ATG9B: variants seen among roughly 807,000 people sequenced by gnomAD.
ATG9B encodes the protein autophagy related 9B.
ATG9B carries 92 observed loss-of-function variants against 92.9 expected under a neutral mutation model. That is an observed-to-expected ratio of 0.99 (90% CI 0.84 to 1.18). The LOEUF (loss-of-function observed/expected upper bound fraction) is 1.18, where lower values mean the gene tolerates loss of function less well. Ranked by LOEUF, ATG9B falls within the 50% of genes most tolerant of loss-of-function variation. ATG9B has a pLI of 0.00. For missense variants in ATG9B, 1,344 were observed against 1,235.0 expected, an observed-to-expected ratio of 1.09 and a Z score of -1.32; for synonymous variants, 599 against 551.4, an observed-to-expected ratio of 1.09 and a Z score of -1.21.
Position 151,018,819 on chromosome 7 carries a change from A to C in ATG9B, c.1519T>G (p.Tyr507Asp). 1.5e-6 allele frequency: 2 copies of C among 1,290,414 alleles called. No individual in the cohort carries two copies. The highest frequency in any genetic ancestry group is 2.0e-6 in the Non-Finnish European group (2 of 1,021,990). The allele number at this position is 1,290,414 out of a possible 1,614,324, so 79.9% of individuals were successfully genotyped here. A position where few individuals can be genotyped will look rare whatever the true frequency, so the allele number is the denominator to read the frequency against. ...CGCAGGAAGGCGGCGGCGGGGCGGT[A>C]GGCGCGGGCCAGGCGCGCGCGCAGC... Reference protein sequence around the residue: ...HELRARLARAYRPAAAFLRTA... With the variant: ...HELRARLARADRPAAAFLRTA... Residue 507 changes from tyrosine (Y) to aspartate (D), a missense_variant, in exon 6 of 14, where the codon TAC becomes GAC. Transcript: ENST00000639579. The surrounding 1 kb of genome is among the most constrained non-coding windows in gnomAD (Gnocchi z 4.7).
chr7:151,020,687 A>G (rs1795714500), intron 5 of ATG9B, among the ~76,000 whole-genome samples: 1 of 152,236 alleles, frequency 6.6e-6, no homozygotes, highest in Non-Finnish European at 1.5e-5. Flanking sequence ...GTGGACAGTG[A>G]CAGGCCAATG....
intron 8 of ATG9B, 117 bp downstream of exon 8, chr7:151,017,754 C>T: frequency 7.9e-7 from 1 of 1,273,834 alleles, no homozygotes; most frequent in Non-Finnish European, 1.1e-6. Context: ...GGGAAGTGAC[C>T]CGCTCAACGG....
Position 151,024,093 on chromosome 7 carries a change from A to C in ATG9B, c.331T>G (p.Ser111Ala), listed in dbSNP as rs200552097. 1,018 of 1,605,746 alleles carry C rather than the reference A, an allele frequency of 6.3e-4. 2 individuals carry two copies. Among genetic ancestry groups the C allele is most frequent in the Non-Finnish European group, 7.8e-4 (918 of 1,176,448 alleles). Residue 111 changes from serine to alanine, a missense_variant, in exon 1 of 14, where the codon TCT becomes GCT. Transcript: ENST00000639579. ...AQPAMTPASA[S>A]PSWGSHSTPP... ...GTGGAGTGGGATCCCCAGGAGGGAG[A>C]TGCAGAGGCAGGTGTCATTGCAGGT...
At chr7:151,013,437 G>C, downstream of ATG9B, 6 of 1,547,012 alleles carry the variant, frequency 3.9e-6, no homozygotes, top group Non-Finnish European at 5.2e-6. Context: ...GGGAGGACTC[G>C]CGCTCTCCAG....
In ATG9B at chr7:151,019,161, T is replaced by C. The variant is rs775368933; in HGVS notation, c.1177A>G (p.Ser393Gly). ...LPWGGSAAFLSRGLALNVDLL... is the reference protein window; with the variant it reads ...LPWGGSAAFLGRGLALNVDLL... ...TCGACATTGAGCGCCAGGCCGCGGC[T>C]GAGGAAAGCCGCACTGCCTCCCCAG... The change falls in exon 6 of 14, where the codon AGC becomes GGC. Residue 393 changes from serine to glycine, a missense_variant. Ser to Gly is a moderately conservative substitution (Grantham distance 56). Coordinates refer to ENST00000639579, the MANE Select transcript of ATG9B (RefSeq NM_001317056.2). 3.4e-5 allele frequency: 53 copies of C among 1,536,240 alleles called. No homozygotes were observed. The highest frequency in any genetic ancestry group is 4.1e-5 in the Non-Finnish European group (47 of 1,146,622).
rs760574558 is a variant in ATG9B at position 151,023,210 on chromosome 7, C to G, written c.660-4G>C. On this transcript the variant is annotated splice_polypyrimidine_tract_variant and splice_region_variant and intron_variant, in intron 3 of 13. Coordinates refer to ENST00000639579, the MANE Select transcript of ATG9B (RefSeq NM_001317056.2). ...GGTGACAATGAAAATAAATTGTCTG[C>G]CGGGAGGAAGGGGGGGTGCCGGGAT... is the stretch of plus-strand genomic sequence containing the variant. 2 of 1,614,108 alleles carry G rather than the reference C, an allele frequency of 1.2e-6. No homozygotes were observed. Among genetic ancestry groups the G allele is most frequent in the Non-Finnish European group, 8.5e-7 (1 of 1,180,016 alleles).
In ATG9B at chr7:151,021,305, G is replaced by A. The variant is rs1239014049; in HGVS notation, c.846C>T (p.Val282=). The change falls in exon 5 of 14, where the codon GTC becomes GTT. Residue 282 remains valine (V), a synonymous_variant. Coordinates refer to ENST00000639579, the MANE Select transcript of ATG9B (RefSeq NM_001317056.2). ...AGCCGGCAGCCAGGACCAGGAGGAG[G>A]ACCAGCAGCGGGCTGGAGCGGATCC... is the stretch of plus-strand genomic sequence containing the variant. ...AERIRSSPLL[V]LLLVLAAGFW... 6.2e-7 allele frequency: 1 copy of A among 1,612,452 alleles called. No individual in the cohort carries two copies.
chr7:151,013,878 T>A, downstream of ATG9B: 1 of 1,603,030 alleles, frequency 6.2e-7, no homozygotes, highest in Non-Finnish European at 8.5e-7. Flanking sequence ...GAGGGCGACA[T>A]GGAGCTGGAC....
At chr7:151,022,444 A>T (rs531622775) in intron 4 of ATG9B, among the ~76,000 whole-genome samples, 45 of 151,534 alleles carry the variant, frequency 3.0e-4, no homozygotes, top group African/African-American at 1.1e-3. Context: ...CCTAATTTTA[A>T]TTTTTTATAA....
At position 151,016,254 on chromosome 7, in the gene ATG9B, G is replaced by C; in HGVS notation, c.2521-19C>G. ...GGTGAAGCTGCATGGAAAGGAGGAG[G>C]AATGAGGGCTGCACCCCAAGGAGGG... On this transcript the variant is annotated intron_variant, in intron 11 of 13. Coordinates refer to ENST00000639579, the MANE Select transcript of ATG9B (RefSeq NM_001317056.2). 6.7e-7 allele frequency: 1 copy of C among 1,485,224 alleles called. No individual in the cohort carries two copies. The allele number at this position is 1,485,224 out of a possible 1,614,324, so 92.0% of individuals were successfully genotyped here. A position where few individuals can be genotyped will look rare whatever the true frequency, so the allele number is the denominator to read the frequency against.
At position 151,024,136 on chromosome 7, in the gene ATG9B, G is replaced by T; in HGVS notation, c.288C>A (p.Thr96=). 6.3e-7 allele frequency: 1 copy of T among 1,588,702 alleles called. No homozygotes were observed. The highest frequency in any genetic ancestry group is 2.2e-5 in the East Asian group (1 of 44,692). The change falls in exon 1 of 14, where the codon ACC becomes ACA. Residue 96 remains threonine, a synonymous_variant. Transcript: ENST00000639579. ...TTGCAGGTTGAGCCTGTGTTGGGGG[G>T]GTGGCTGGGATAGGGAGAGCACTGT... The part of the protein sequence containing the change: ...SCHSALPIPA[T]PPTQAQPAMT...
chr7:151,016,581 CAG>C lies in ATG9B; in HGVS notation c.2424-56_2424-55del, dbSNP rs1795497075. ...GTCATGCCCTCCTCCCGCCACACCCCAGAGGACTCCCCTTCTGAATCCCCCCT... is the reference window on the plus strand; with the variant it reads ...GTCATGCCCTCCTCCCGCCACACCCCAGGACTCCCCTTCTGAATCCCCCCT... On this transcript the variant is annotated intron_variant, in intron 10 of 13. Coordinates refer to ENST00000639579, the MANE Select transcript of ATG9B (RefSeq NM_001317056.2). 81 of 1,545,366 alleles carry C rather than the reference CAG, an allele frequency of 5.2e-5. 1 individual carries two copies. The South Asian group carries it at 9.3e-4, about 18-fold the overall frequency.
At chr7:151,020,854 C>T (rs1306259882) in intron 5 of ATG9B, 6 of 243,598 alleles carry the variant, frequency 2.5e-5, no homozygotes, top group South Asian at 1.0e-4. Flanking sequence ...CCTGCCCTTC[C>T]GAAGCCCAAC....
rs564902557 is a variant in ATG9B at position 151,021,353 on chromosome 7, G to T, written c.822-24C>A. ...TCCTGTATGGGGTTGGGCGGGCAGTGGGGGAGAAAGGTGGGCGCCTGAGAA... is the reference window on the plus strand; with the variant it reads ...TCCTGTATGGGGTTGGGCGGGCAGTTGGGGAGAAAGGTGGGCGCCTGAGAA... On this transcript the variant is annotated intron_variant, in intron 4 of 13. Transcript: ENST00000639579. 103 of 1,556,170 alleles carry T rather than the reference G, an allele frequency of 6.6e-5. No individual in the cohort carries two copies. In the South Asian group the frequency reaches 1.2e-3, roughly 18 times the overall value.
chr7:151,022,903 G>T, intron 4 of ATG9B, 142 bp downstream of exon 4: 1 of 988,030 alleles, frequency 1.0e-6, no homozygotes, highest in Non-Finnish European at 1.5e-6. Flanking sequence ...ACAACTTAAA[G>T]TATATTAAGT....
Position 151,017,147 on chromosome 7 carries a change from CTT to C in ATG9B, c.2176_2177del (p.Lys726ValfsTer39), listed in dbSNP as rs1795532007. 1.2e-6 allele frequency: 2 copies of C among 1,613,160 alleles called. No individual in the cohort carries two copies. The highest frequency in any genetic ancestry group is 1.7e-6 in the Non-Finnish European group (2 of 1,179,860). Reference sequence around the variant, plus strand: ...CTCGGCCCCAGAGGTGCCCAAGAAACTTAGAGCTGTGCCCTGGGGGGCGCCAG... The same window carrying C: ...CTCGGCCCCAGAGGTGCCCAAGAAACAGAGCTGTGCCCTGGGGGGCGCCAG... ...PLWRPPGHSS[K>X]FLGHLWGRVQ... is the part of the protein sequence containing the mutation. On this transcript the variant is annotated frameshift_variant, in exon 9 of 14. Transcript: ENST00000639579. LOFTEE classifies it high-confidence loss of function.
In ATG9B at chr7:151,018,364, G is replaced by A. The variant is rs766172510; in HGVS notation, c.1802C>T (p.Pro601Leu). 12 of 1,599,198 alleles carry A rather than the reference G, an allele frequency of 7.5e-6. No homozygotes were observed. The East Asian group carries it at 1.1e-4, about 15-fold the overall frequency. Residue 601 changes from proline (P) to leucine (L), a missense_variant, in exon 7 of 14, where the codon CCG (proline) becomes CTG (leucine). Coordinates refer to ENST00000639579, the MANE Select transcript of ATG9B (RefSeq NM_001317056.2). This position sits in a 1 kb window ranked among gnomAD's most constrained non-coding sequence, Gnocchi z 4.7. ...QTALAHMHYL[P>L]EEPGPGGRDR... ...CCTGCCGCCGGGGCCGGGCTCCTCC[G>A]GGAGGTAGTGCATGTGGGCCAGGGC...
chr7:151,015,878 T>G lies in ATG9B; in HGVS notation c.*14+4A>C. 6.5e-7 allele frequency: 1 copy of G among 1,549,712 alleles called. No individual in the cohort carries two copies. The highest frequency in any genetic ancestry group is 8.7e-7 in the Non-Finnish European group (1 of 1,146,130). ...TCCCTCCCCTCACAGGAGGCAATAC[T>G]GACCCTGAGGAGTCGTCTCAGTCAG... On this transcript the variant is annotated splice_donor_region_variant and intron_variant, in intron 13 of 13. Coordinates refer to ENST00000639579, the MANE Select transcript of ATG9B (RefSeq NM_001317056.2).
Position 151,017,235 on chromosome 7 carries a change from T to C in ATG9B, c.2090A>G (p.Gln697Arg). 2 of 1,607,614 alleles carry C rather than the reference T, an allele frequency of 1.2e-6. No homozygotes were observed. The highest frequency in any genetic ancestry group is 8.5e-7 in the Non-Finnish European group (1 of 1,175,996). Residue 697 changes from glutamine to arginine, a missense_variant, in exon 9 of 14, where the codon CAG becomes CGG. Transcript: ENST00000639579. ...CTCAGTCTTGCCGTCCTCCGCACGC[T>C]GAGACAGCGAGGCCTCAGTCTGTCC... ...SAGQTEASLS[Q>R]RAEDGKTELS...
Sources: allele counts gnomAD v4.1 joint callset (sites outside exome capture counted in the v4.1 genomes callset), GRCh38; gene constraint gnomAD v4.1.1; non-coding constraint Gnocchi (gnomAD v3.1); transcripts MANE v1.5; gene names NCBI Gene and HGNC (gene_info 2026-07-23, HGNC 2026-07-21).